FAT1: variants seen among roughly 807,000 people sequenced by gnomAD.
FAT1 encodes the protein FAT atypical cadherin 1.
In FAT1, 171 loss-of-function variants were observed where a neutral mutation model predicts 329.8. The observed-to-expected ratio is 0.52, with a 90% CI of 0.46 to 0.59. FAT1 has a LOEUF of 0.59. Ranked by LOEUF, FAT1 falls within the 20% of genes least tolerant of loss-of-function variation. The pLI is 0.00. For missense variants in FAT1, 5,672 were observed against 5,774.4 expected (o/e 0.98, Z 0.57); for synonymous variants, 2,233 against 2,228.6 (o/e 1.00, Z -0.06).
At chr4:186,638,763 A>ATTTACTATTAGCC (rs1560957632) in intron 4 of FAT1, among the ~76,000 whole-genome samples, 8 of 152,096 alleles carry the variant, frequency 5.3e-5, no homozygotes, top group African/African-American at 1.7e-4. Context: ...GAAATTTTCA[A>ATTTACTATTAGCC]AAGTTACAGT....
chr4:186,612,400 G>T (rs572460292), intron 13 of FAT1, among the ~76,000 whole-genome samples: 13 of 152,150 alleles, frequency 8.5e-5, no homozygotes, highest in Admixed American at 6.5e-4. Flanking sequence ...AAACTTCTCA[G>T]AATCACAGCA....
At chr4:186,662,868 ACT>A (rs1742245831) in intron 3 of FAT1, among the ~76,000 whole-genome samples, 1 of 151,588 alleles carries the variant, frequency 6.6e-6, no homozygotes, top group South Asian at 2.1e-4. Flanking sequence ...ATGGAGTCTC[ACT>A]CTGTCGCCCA....
chr4:186,675,819 AC>A (rs1742929227), intron 2 of FAT1, among the ~76,000 whole-genome samples: 3 of 144,004 alleles, frequency 2.1e-5, no homozygotes, highest in Non-Finnish European at 3.0e-5. Flanking sequence ...ACACACACAC[AC>A]ACACAATTAA....
intron 2 of FAT1, among the ~76,000 whole-genome samples, chr4:186,692,068 C>A (rs1166359237): frequency 6.6e-6 from 1 of 152,114 alleles, no homozygotes; most frequent in South Asian, 2.1e-4. Flanking sequence ...TCTTCCCCCC[C>A]ATGTATATGT....
chr4:186,602,147 C>T (rs932344862), intron 20 of FAT1, among the ~76,000 whole-genome samples: 1 of 152,178 alleles, frequency 6.6e-6, no homozygotes, highest in Non-Finnish European at 1.5e-5. Context: ...TTAGATATCA[C>T]TTCACACCCA....
At chr4:186,595,934 C>G (rs916064146) in intron 25 of FAT1, 108 bp from the exon 26 acceptor site, 8 of 1,162,502 alleles carry the variant, frequency 6.9e-6, no homozygotes, top group Non-Finnish European at 8.5e-6. Context: ...GAGATTTACT[C>G]AATAAATGAA....
intron 2 of FAT1, among the ~76,000 whole-genome samples, chr4:186,690,861 G>T (rs1274649457): frequency 6.6e-6 from 1 of 152,162 alleles, no homozygotes; most frequent in Non-Finnish European, 1.5e-5. Context: ...AGGAAAAAAT[G>T]AATGTTAAAG....
rs986980671 is a variant in FAT1, at chr4:186,696,071, G to A, written c.3265+10492C>T. Among the ~76,000 whole-genome samples the A allele has an allele frequency of 3.3e-5, 5 of 152,314 alleles. No individual in the cohort carries two copies. In the East Asian group the frequency reaches 5.8e-4, roughly 18 times the overall value. On this transcript the variant is annotated intron_variant, in intron 2 of 26. Transcript: ENST00000441802. ...CTCCCAAAGTGTTGGGATTACAGGC[G>A]GGAGCCACAGCGCCCGGCCATAGGC...
At position 186,666,590 on chromosome 4, in the gene FAT1, T is replaced by A. The variant is rs887952580; in HGVS notation, c.3266-2977A>T. ...CAAGAAGACAGGTACGTGGTGCTTT[T>A]ATCTACCTCTTTTGAGTTCTAATCC... is the stretch of plus-strand genomic sequence containing the variant. On this transcript the variant is annotated intron_variant, in intron 2 of 26. Coordinates refer to ENST00000441802, the MANE Select transcript of FAT1 (RefSeq NM_005245.4). Among the ~76,000 whole-genome samples the A allele has an allele frequency of 2.0e-5, 3 of 152,260 alleles. No homozygotes were observed. In the South Asian group the frequency reaches 6.2e-4, roughly 31 times the overall value.
At chr4:186,647,283 T>G (rs754072234) in intron 3 of FAT1, among the ~76,000 whole-genome samples, 1 of 152,168 alleles carries the variant, frequency 6.6e-6, no homozygotes, top group African/African-American at 2.4e-5. Context: ...GGGTAGGCAT[T>G]TTATATGCGT....
Position 186,597,810 on chromosome 4 carries a change from A to C in FAT1, c.12258-18T>G, listed in dbSNP as rs775340406. 6.2e-7 allele frequency: 1 copy of C among 1,602,638 alleles called. No homozygotes were observed. The highest frequency in any genetic ancestry group is 1.1e-5 in the South Asian group (1 of 90,716). On this transcript the variant is annotated intron_variant, in intron 23 of 26. Coordinates refer to ENST00000441802, the MANE Select transcript of FAT1 (RefSeq NM_005245.4). ...GCTGACACCTGAAGAGTAAGGAGAA[A>C]CAGACATAAACCTCATGATCCTATT...
intron 19 of FAT1, 30 bp from the exon 20 acceptor site, chr4:186,603,064 G>A: frequency 6.2e-7 from 1 of 1,613,492 alleles, no homozygotes; most frequent in Admixed American, 1.7e-5. Flanking sequence ...AAAGGGAAAA[G>A]ATAATTAACA....
chr4:186,620,568 A>T lies in FAT1; in HGVS notation c.6018T>A (p.Asn2006Lys), dbSNP rs1739990095. The T allele has an allele frequency of 6.2e-7, 1 of 1,613,988 alleles. No individual in the cohort carries two copies. The highest frequency in any genetic ancestry group is 1.7e-5 in the Admixed American group (1 of 60,020). ...ETLAVITAIG[N>K]PINEPLFYHI... ...GATAAAACAAAGGCTCATTGATTGGATTCCCAATAGCAGTAATGACAGCTA... is the reference window on the plus strand; with the variant it reads ...GATAAAACAAAGGCTCATTGATTGGTTTCCCAATAGCAGTAATGACAGCTA... The change falls in exon 10 of 27, where the codon AAT (asparagine) becomes AAA (lysine). Residue 2006 changes from asparagine (N) to lysine (K), a missense_variant. Coordinates refer to ENST00000441802, the MANE Select transcript of FAT1 (RefSeq NM_005245.4).
chr4:186,635,406 TAAG>T (rs1243281694), intron 6 of FAT1, among the ~76,000 whole-genome samples: 5 of 152,040 alleles, frequency 3.3e-5, no homozygotes, highest in African/African-American at 4.8e-5. Flanking sequence ...ACATGACAAA[TAAG>T]AAGAAGAAAT....
Position 186,628,297 on chromosome 4 carries a change from T to C in FAT1, c.4667A>G (p.Asn1556Ser). Residue 1556 changes from asparagine to serine, a missense_variant, in exon 9 of 27, where the codon AAT (asparagine) becomes AGT (serine). Around this residue, in one of 2 missense-constraint regions of FAT1, gnomAD observed 3,966 missense variants for 3,915.2 expected, o/e 1.01. Transcript: ENST00000441802. Reference sequence around the variant, plus strand: ...AGCGGTGAACCACGGGGCGTGGTCATTCGTGTCGCTGACATTGACCACAAT... The same window carrying C: ...AGCGGTGAACCACGGGGCGTGGTCACTCGTGTCGCTGACATTGACCACAAT... Reference protein sequence around the residue: ...ARIVVNVSDTNDHAPWFTASS... With the variant: ...ARIVVNVSDTSDHAPWFTASS... 1 of 1,613,670 alleles carries C rather than the reference T, an allele frequency of 6.2e-7. No individual in the cohort carries two copies. The highest frequency in any genetic ancestry group is 8.5e-7 in the Non-Finnish European group (1 of 1,179,770).
intron 10 of FAT1, 150 bp from the exon 11 acceptor site, chr4:186,617,351 C>T (rs1274236153): frequency 1.6e-6 from 1 of 616,480 alleles, no homozygotes; most frequent in Admixed American, 3.6e-5. Flanking sequence ...ATTAGCCTTC[C>T]AATTTACAAA....
At chr4:186,589,315 C>T (rs1738127878) in intron 26 of FAT1, 95 bp from the exon 27 acceptor site, 3 of 1,314,882 alleles carry the variant, frequency 2.3e-6, no homozygotes, top group Middle Eastern at 2.3e-4. Context: ...AAAGATGCAA[C>T]CGCATTTATG....
rs1738886758 is a variant in FAT1 at position 186,602,971 on chromosome 4, C to T, written c.11414G>A (p.Cys3805Tyr). The T allele has an allele frequency of 1.2e-6, 2 of 1,613,836 alleles. No homozygotes were observed. The highest frequency in any genetic ancestry group is 1.7e-6 in the Non-Finnish European group (2 of 1,179,844). Residue 3805 changes from cysteine to tyrosine, a missense_variant, in exon 20 of 27, where the codon TGT (cysteine) becomes TAT (tyrosine). This residue lies in a region of FAT1 where 1,706 missense variants were observed against 1,859.1 expected (regional missense o/e 0.92). Coordinates refer to ENST00000441802, the MANE Select transcript of FAT1 (RefSeq NM_005245.4). ...TTTCTCCTCCCAGGGATCAGACACA[C>T]ATTCGGATCCCTCAGGGCACGGATC... ...EDDPCPEGSECVSDPWEEKHT... is the reference protein window; with the variant it reads ...EDDPCPEGSEYVSDPWEEKHT...
chr4:186,597,329 C>A, intron 24 of FAT1, 158 bp from the exon 25 acceptor site: 1 of 735,362 alleles, frequency 1.4e-6, no homozygotes, highest in Non-Finnish European at 2.1e-6. Context: ...TCGACAACCA[C>A]GAGAAAAGAC....
Sources: gnomAD v4.1 joint callset for allele counts (sites outside exome capture counted in the v4.1 genomes callset) on GRCh38, gnomAD v4.1.1 for gene constraint, gnomAD v4.1.1 regional missense constraint, MANE v1.5 for transcripts, NCBI Gene and HGNC (gene_info 2026-07-23, HGNC 2026-07-21) for gene names.